Variants in ANKRD30BL observed in about 807,000 individuals in gnomAD.
ANKRD30BL encodes putative ankyrin repeat domain-containing protein 30B-like.
In ANKRD30BL, 20 loss-of-function variants were observed where a neutral mutation model predicts 18.4. That is an observed-to-expected ratio of 1.09 (90% CI 0.77 to 1.58). ANKRD30BL has a LOEUF of 1.58. Ranked by LOEUF, ANKRD30BL falls within the 40% of genes most tolerant of loss-of-function variation. The probability of loss-of-function intolerance (pLI) is 0.00; values close to 1 mark genes in which losing one functional copy is unlikely to be tolerated. For synonymous variants in ANKRD30BL, 72 were observed against 100.9 expected (o/e 0.71, Z 1.72); for missense variants, 224 against 268.6 (o/e 0.83, Z 1.16).
chr2:132,149,068 C>T (rs1006841287), intron 5 of ANKRD30BL, among the ~76,000 whole-genome samples: 1 of 152,176 alleles, frequency 6.6e-6, no homozygotes, highest in African/African-American at 2.4e-5. Context: ...ATGTGTATTC[C>T]ATGTTGGTCT....
intron 1 of ANKRD30BL, among the ~76,000 whole-genome samples, chr2:132,209,657 T>G (rs1573843428): frequency 6.6e-6 from 1 of 152,078 alleles, no homozygotes; most frequent in Admixed American, 6.6e-5. Context: ...TGGATCAGTT[T>G]GGGGCCTGTG....
intron 1 of ANKRD30BL, among the ~76,000 whole-genome samples, chr2:132,219,151 A>C (rs1573856134): frequency 6.6e-6 from 1 of 152,066 alleles, no homozygotes; most frequent in Non-Finnish European, 1.5e-5. Flanking sequence ...TCTTCACATA[A>C]AAACTAGACA....
chr2:132,162,676 A>G (rs60370002), upstream of ANKRD30BL, among the ~76,000 whole-genome samples: 22,346 of 151,622 alleles, frequency 0.15, 1,342 homozygotes, highest in Admixed American at 0.23. Flanking sequence ...AGCTGAGCCC[A>G]CGGTAGAGGC....
rs148272271 is a variant in ANKRD30BL at position 132,187,810 on chromosome 2, G to A, written n.442-30664C>T. 6.4e-3 allele frequency among the ~76,000 whole-genome samples: 972 copies of A among 150,894 alleles called. 4 individuals carry two copies. Among genetic ancestry groups the A allele is most frequent in the African/African-American group, 0.023 (931 of 41,050 alleles). The stretch of plus-strand genomic sequence containing the variant: ...TTTTGCTCTTGTCGCACAGGCTGGA[G>A]TGCAATGGCACAATTTCAGCTCATT... On this transcript the variant is annotated intron_variant and non_coding_transcript_variant, in intron 1 of 4. Transcript: ENST00000470729.
intron 1 of ANKRD30BL, among the ~76,000 whole-genome samples, chr2:132,197,253 C>A (rs370088756): frequency 6.6e-6 from 1 of 152,188 alleles, no homozygotes; most frequent in African/African-American, 2.4e-5. Context: ...AATCCATATC[C>A]AGACACATTG....
At chr2:132,189,395 AT>A (rs1320344408) in intron 1 of ANKRD30BL, among the ~76,000 whole-genome samples, 1 of 152,078 alleles carries the variant, frequency 6.6e-6, no homozygotes, top group African/African-American at 2.4e-5. Context: ...ACTTTTTAAA[AT>A]ATCTCCTAGA....
intron 1 of ANKRD30BL, among the ~76,000 whole-genome samples, chr2:132,221,648 G>GA (rs1679689027): frequency 9.3e-6 from 1 of 107,392 alleles, no homozygotes; most frequent in African/African-American, 5.9e-5. Flanking sequence ...GAGGTGGGGG[G>GA]TTCAGCCCCC....
chr2:132,194,188 G>T (rs1678918196), intron 1 of ANKRD30BL, among the ~76,000 whole-genome samples: 1 of 152,166 alleles, frequency 6.6e-6, no homozygotes, highest in Non-Finnish European at 1.5e-5. Context: ...GCATGGGCTA[G>T]AGTTGGTCTC....
rs570852734 is a variant in ANKRD30BL at position 132,222,697 on chromosome 2, G to T, written n.441+34832C>A. 1.6e-3 allele frequency among the ~76,000 whole-genome samples: 250 copies of T among 151,856 alleles called. 1 individual carries two copies. The highest frequency in any genetic ancestry group is 5.7e-3 in the African/African-American group (238 of 41,406). On this transcript the variant is annotated intron_variant and non_coding_transcript_variant, in intron 1 of 4. Coordinates refer to the ANKRD30BL transcript ENST00000470729. ...TTAAGTACCCAGGGACACAAACATT[G>T]CGGAAGGCCGCAGGGTCCTCTGCCT...
Position 132,161,633 on chromosome 2 carries a change from C to A in ANKRD30BL, c.73G>T (p.Val25Phe), listed in dbSNP as rs9750449. 3 of 1,452,362 alleles carry A rather than the reference C, an allele frequency of 2.1e-6. No homozygotes were observed. The highest frequency in any genetic ancestry group is 2.8e-6 in the Non-Finnish European group (3 of 1,059,518). The allele number at this position is 1,452,362 out of a possible 1,614,324, so 90.0% of individuals were successfully genotyped here. The change falls in exon 1 of 6, where the codon GTC becomes TTC. Residue 25 changes from valine to phenylalanine, a missense_variant. Transcript: ENST00000409867. Reference protein sequence around the residue: ...PERPSPFSQLVYTNNDSYVIH... With the variant: ...PERPSPFSQLFYTNNDSYVIH... ...ACGTAAGAGTCGTTGTTGGTGTAGA[C>A]CAGCTGACTGAAGGGGCTCGGGCGC...
chr2:132,216,807 C>A (rs896189940), intron 1 of ANKRD30BL, among the ~76,000 whole-genome samples: 31 of 152,306 alleles, frequency 2.0e-4, no homozygotes, highest in African/African-American at 7.5e-4. Context: ...TGTGTACATT[C>A]AACTCACAGA....
intron 1 of ANKRD30BL, among the ~76,000 whole-genome samples, chr2:132,175,268 A>G (rs1431669191): frequency 6.6e-6 from 1 of 151,906 alleles, no homozygotes; most frequent in Non-Finnish European, 1.5e-5. Flanking sequence ...GGAGAAGGTC[A>G]GCAAAAAAAC....
intron 2 of ANKRD30BL, 51 bp downstream of exon 2, chr2:132,157,258 A>G (rs1687933691): frequency 3.2e-6 from 3 of 935,986 alleles, no homozygotes; most frequent in East Asian, 2.7e-5. Context: ...TTTTTATTCT[A>G]TGTATTTAAA....
chr2:132,199,577 G>A (rs1318306214), intron 1 of ANKRD30BL, among the ~76,000 whole-genome samples: 1 of 151,150 alleles, frequency 6.6e-6, no homozygotes, highest in Non-Finnish European at 1.5e-5. Context: ...CGGGATCTCG[G>A]CTCACTTCAA....
At chr2:132,205,748 G>GT (rs1679200837) in intron 1 of ANKRD30BL, among the ~76,000 whole-genome samples, 1 of 152,020 alleles carries the variant, frequency 6.6e-6, no homozygotes, top group African/African-American at 2.4e-5. Context: ...AATGCAGAAT[G>GT]TTTAGAAAGG....
intron 1 of ANKRD30BL, among the ~76,000 whole-genome samples, chr2:132,225,619 G>A (rs1388253511): frequency 6.6e-6 from 1 of 151,982 alleles, no homozygotes; most frequent in Non-Finnish European, 1.5e-5. Flanking sequence ...TCTACAAGTG[G>A]ATATTTGGAA....
chr2:132,222,149 C>T (rs1369137424), intron 1 of ANKRD30BL, among the ~76,000 whole-genome samples: 1 of 149,552 alleles, frequency 6.7e-6, no homozygotes, highest in African/African-American at 2.5e-5. Context: ...CTCTGCCCGG[C>T]CACCCCTACT....
chr2:132,229,434 T>C (rs1333949655), intron 1 of ANKRD30BL, among the ~76,000 whole-genome samples: 1 of 152,156 alleles, frequency 6.6e-6, no homozygotes, highest in Non-Finnish European at 1.5e-5. Context: ...ATTCCTATCA[T>C]GGAAAAGGTA....
At chr2:132,221,228 T>C (rs1165167255) in intron 1 of ANKRD30BL, among the ~76,000 whole-genome samples, 1 of 141,378 alleles carries the variant, frequency 7.1e-6, no homozygotes, top group East Asian at 2.2e-4. Flanking sequence ...AGCCGCCCCG[T>C]CCGGGAGGTG....
Sources: gnomAD v4.1 joint callset for allele counts (sites outside exome capture counted in the v4.1 genomes callset) on GRCh38, gnomAD v4.1.1 for gene constraint, MANE v1.5 for transcripts, NCBI Gene and HGNC (gene_info 2026-07-23, HGNC 2026-07-21) for gene names.